The following ETV5 variants were observed in gnomAD, a reference collection of about 807,000 sequenced individuals.
The protein encoded by ETV5 is ETS variant transcription factor 5.
In ETV5, 10 loss-of-function variants were observed where a neutral mutation model predicts 70.0. That is an observed-to-expected ratio of 0.14 (90% CI 0.09 to 0.24). The LOEUF (loss-of-function observed/expected upper bound fraction) is 0.24. Ranked by LOEUF, ETV5 falls within the 10% of genes least tolerant of loss-of-function variation. ETV5 has a pLI of 1.00. For synonymous variants in ETV5, 216 were observed against 242.2 expected (o/e 0.89, Z 1.01); for missense variants, 453 against 651.2 (o/e 0.70, Z 3.31).
Position 186,048,750 on chromosome 3 carries a change from G to C in ETV5, c.1422C>G (p.His474Gln), listed in dbSNP as rs766518204. 6.2e-7 allele frequency: 1 copy of C among 1,614,162 alleles called. No individual in the cohort carries two copies. The highest frequency in any genetic ancestry group is 2.2e-5 in the East Asian group (1 of 44,880). Residue 474 changes from histidine (H) to glutamine (Q), a missense_variant, in exon 13 of 13, where the codon CAC becomes CAG. Coordinates refer to ENST00000306376, the MANE Select transcript of ETV5 (RefSeq NM_004454.3). The part of the protein sequence containing the change: ...RPFLKAESEC[H>Q]LSEEDTLPLT... ...GCGGCAGGGTGTCCTCCTCGCTGAGGTGGCACTCGGACTCTGCCTTCAGGA... is the reference window on the plus strand; with the variant it reads ...GCGGCAGGGTGTCCTCCTCGCTGAGCTGGCACTCGGACTCTGCCTTCAGGA...
intron 7 of ETV5, among the ~76,000 whole-genome samples, chr3:186,068,845 C>T (rs1423442319): frequency 6.6e-6 from 1 of 152,144 alleles, no homozygotes; most frequent in Non-Finnish European, 1.5e-5. Context: ...ACAGGAAGCA[C>T]TAATCTATGT....
rs1279125978 is a variant in ETV5 at position 186,079,962 on chromosome 3, C to G, written c.505G>C (p.Val169Leu). ...TSGHAPAAGP[V>L]QGVGPAPAPH... is the part of the protein sequence containing the mutation. Reference sequence around the variant, plus strand: ...GCGGGGGCGGGGCCCACACCTTGAACTGGGCCAGCTGCAGGGGCATGCCCT... The same window carrying G: ...GCGGGGGCGGGGCCCACACCTTGAAGTGGGCCAGCTGCAGGGGCATGCCCT... Residue 169 changes from valine to leucine, a missense_variant, in exon 7 of 13, where the codon GTT (valine) becomes CTT (leucine). Physicochemically the swap from Val to Leu is conservative, Grantham distance 32. Transcript: ENST00000306376. 6.2e-7 allele frequency: 1 copy of G among 1,600,342 alleles called. No homozygotes were observed. Among genetic ancestry groups the G allele is most frequent in the Admixed American group, 1.7e-5 (1 of 57,574 alleles).
In ETV5 at chr3:186,048,691, A is replaced by G. The variant is rs746030889; in HGVS notation, c.1481T>C (p.Leu494Pro). The G allele has an allele frequency of 3.1e-5, 50 of 1,614,198 alleles. No homozygotes were observed. Among genetic ancestry groups the G allele is most frequent in the Admixed American group, 5.0e-5 (3 of 60,024 alleles). ...GAGGCTGCTGCAGCGGTCCATGTCCAGGAGGTAAGCGGGGCTGTCTTCAAA... is the reference window on the plus strand; with the variant it reads ...GAGGCTGCTGCAGCGGTCCATGTCCGGGAGGTAAGCGGGGCTGTCTTCAAA... ...THFEDSPAYL[L>P]DMDRCSSLPY... Residue 494 changes from leucine to proline, a missense_variant, in exon 13 of 13, where the codon CTG becomes CCG. Leu to Pro is a moderately conservative substitution (Grantham distance 98). Transcript: ENST00000306376.
At chr3:186,060,764 C>A (rs932456839) in intron 9 of ETV5, among the ~76,000 whole-genome samples, 1 of 152,176 alleles carries the variant, frequency 6.6e-6, no homozygotes, top group Non-Finnish European at 1.5e-5. Flanking sequence ...AAAACACACA[C>A]AAATGCACCA....
chr3:186,058,026 C>T (rs551312709), intron 9 of ETV5, among the ~76,000 whole-genome samples: 55 of 152,158 alleles, frequency 3.6e-4, no homozygotes, highest in Non-Finnish European at 7.3e-4. Flanking sequence ...TAGAGGATTT[C>T]GAAAGCAGTA....
At chr3:186,077,952 C>A (rs1462641575) in intron 7 of ETV5, 6 of 1,045,192 alleles carry the variant, frequency 5.7e-6, no homozygotes, top group East Asian at 5.1e-5. Flanking sequence ...CCAAAATGCA[C>A]AGGCAGACTT....
intron 9 of ETV5, among the ~76,000 whole-genome samples, chr3:186,063,268 T>TCAA (rs544999364): frequency 2.3e-4 from 35 of 152,086 alleles, no homozygotes; most frequent in Non-Finnish European, 3.4e-4. Context: ...AGACTCCGTC[T>TCAA]CAACAACAAC....
chr3:186,047,236 A>G lies in ETV5; in HGVS notation c.*1403T>C. The G allele has an allele frequency of 4.4e-6, 1 of 228,890 alleles. No individual in the cohort carries two copies. The highest frequency in any genetic ancestry group is 5.7e-5 in the Admixed American group (1 of 17,584). 14.2% of individuals were successfully genotyped at this position (228,890 alleles called of 1,614,324 possible). A position where few individuals can be genotyped will look rare whatever the true frequency, so the allele number is the denominator to read the frequency against. On this transcript the variant is annotated 3_prime_UTR_variant, in exon 13 of 13. Coordinates refer to ENST00000306376, the MANE Select transcript of ETV5 (RefSeq NM_004454.3). ...CATAGCTTTAGCTTGGTTGTTTAAA[A>G]CTTTTCCAATATAATACAGCAATGA... is the stretch of plus-strand genomic sequence containing the variant.
intron 12 of ETV5, among the ~76,000 whole-genome samples, chr3:186,051,448 C>T (rs1022408881): frequency 6.6e-6 from 1 of 152,238 alleles, no homozygotes; most frequent in Non-Finnish European, 1.5e-5. Context: ...GAATTTTGTA[C>T]TGATTTCTTC....
Position 186,048,102 on chromosome 3 carries a change from G to T in ETV5, c.*537C>A. ...TGTTCTGACTGCCCCCCTTTTTCTA[G>T]ACAAGGGGTAATATTTCAGATTCAG... On this transcript the variant is annotated 3_prime_UTR_variant, in exon 13 of 13. Transcript: ENST00000306376. 4.3e-6 allele frequency: 1 copy of T among 234,358 alleles called. No homozygotes were observed. The highest frequency in any genetic ancestry group is 6.1e-5 in the East Asian group (1 of 16,474). 14.5% of individuals were successfully genotyped at this position (234,358 alleles called of 1,614,324 possible). A position where few individuals can be genotyped will look rare whatever the true frequency, so the allele number is the denominator to read the frequency against.
At chr3:186,102,462 G>T (rs538371246) in intron 5 of ETV5, among the ~76,000 whole-genome samples, 1 of 151,858 alleles carries the variant, frequency 6.6e-6, no homozygotes, top group East Asian at 1.9e-4. Context: ...GTGAAGCCCC[G>T]TCTCTACTAA....
intron 5 of ETV5, among the ~76,000 whole-genome samples, chr3:186,103,035 G>A (rs1443413923): frequency 6.6e-6 from 1 of 152,184 alleles, no homozygotes; most frequent in Admixed American, 6.5e-5. Flanking sequence ...CCTTCTTGAA[G>A]CTCTACCTCA....
In ETV5 at chr3:186,079,119, C is replaced by T; in HGVS notation, c.650+698G>A. The T allele has an allele frequency of 6.6e-6, 7 of 1,061,386 alleles. No homozygotes were observed. The South Asian group carries it at 1.4e-4, about 21-fold the overall frequency. The allele number at this position is 1,061,386 out of a possible 1,614,324, so 65.7% of individuals were successfully genotyped here. ...ACTTGAAATAAAGACAGGCCCCCAG[C>T]ACATCTTCTATAAAAGAAGGCCACA... is the stretch of plus-strand genomic sequence containing the variant. On this transcript the variant is annotated intron_variant, in intron 7 of 12. Transcript: ENST00000306376.
intron 7 of ETV5, 148 bp downstream of exon 7, chr3:186,079,669 T>A (rs1210528516): frequency 2.7e-6 from 2 of 743,480 alleles, no homozygotes; most frequent in Non-Finnish European, 4.3e-6. Flanking sequence ...CATATTCGTA[T>A]TATCATTAGT....
At chr3:186,051,912 A>T in intron 12 of ETV5, 118 bp downstream of exon 12, 1 of 874,638 alleles carries the variant, frequency 1.1e-6, no homozygotes, top group Non-Finnish European at 1.8e-6. Context: ...CCTACCACAG[A>T]ATCACTTAGG....
chr3:186,046,646 T>C lies in ETV5; in HGVS notation c.*1993A>G, dbSNP rs1265413556. ...AAGCTACAGAGGATTATTGTCATAT[T>C]GCTAAGACAGCATAAATCCATTCAA... On this transcript the variant is annotated 3_prime_UTR_variant, in exon 13 of 13. Coordinates refer to ENST00000306376, the MANE Select transcript of ETV5 (RefSeq NM_004454.3). 1 of 224,984 alleles carries C rather than the reference T, an allele frequency of 4.4e-6. No individual in the cohort carries two copies. The highest frequency in any genetic ancestry group is 8.6e-6 in the Non-Finnish European group (1 of 115,786). 13.9% of individuals were successfully genotyped at this position (224,984 alleles called of 1,614,324 possible). A position where few individuals can be genotyped will look rare whatever the true frequency, so the allele number is the denominator to read the frequency against.
intron 5 of ETV5, among the ~76,000 whole-genome samples, chr3:186,095,656 G>T (rs551611338): frequency 3.9e-5 from 6 of 152,218 alleles, no homozygotes; most frequent in Non-Finnish European, 8.8e-5. Context: ...CAGTCTTACT[G>T]GGAAACATAG....
chr3:186,071,964 A>C (rs1180682883), intron 7 of ETV5, among the ~76,000 whole-genome samples: 1 of 151,436 alleles, frequency 6.6e-6, no homozygotes, highest in African/African-American at 2.4e-5. Flanking sequence ...CACATGGCTA[A>C]TTTTTTTGTA....
intron 7 of ETV5, among the ~76,000 whole-genome samples, chr3:186,075,327 T>C (rs1264196114): frequency 6.6e-6 from 1 of 152,218 alleles, no homozygotes; most frequent in African/African-American, 2.4e-5. Context: ...ACATTCACTT[T>C]ATTCCAGGCC....
Sources: gnomAD v4.1 joint callset for allele counts (sites outside exome capture counted in the v4.1 genomes callset) on GRCh38, gnomAD v4.1.1 for gene constraint, MANE v1.5 for transcripts, NCBI Gene and HGNC (gene_info 2026-07-23, HGNC 2026-07-21) for gene names.